The following PTPRA variants were observed in gnomAD, a reference collection of about 807,000 sequenced individuals.
PTPRA encodes the protein receptor-type tyrosine-protein phosphatase alpha.
PTPRA carries 25 observed loss-of-function variants against 104.8 expected under a neutral mutation model. That is an observed-to-expected ratio of 0.24 (90% CI 0.17 to 0.33). PTPRA has a LOEUF of 0.33. Ranked by LOEUF, PTPRA falls within the 10% of genes least tolerant of loss-of-function variation. PTPRA has a pLI of 1.00. For synonymous variants in PTPRA, 323 were observed against 368.9 expected (o/e 0.88, Z 1.43); for missense variants, 765 against 1,015.3 (o/e 0.75, Z 3.35).
intron 1 of PTPRA, among the ~76,000 whole-genome samples, chr20:2,918,190 C>T (rs1600110298): frequency 6.6e-6 from 1 of 151,222 alleles, no homozygotes; most frequent in Non-Finnish European, 1.5e-5. Flanking sequence ...TACGTATTCT[C>T]TTTTCCTTCT....
intron 9 of PTPRA, among the ~76,000 whole-genome samples, chr20:3,003,646 C>T (rs2063731167): frequency 6.6e-6 from 1 of 151,836 alleles, no homozygotes; most frequent in African/African-American, 2.4e-5. Flanking sequence ...GTGTTCCTCC[C>T]ACCTCAGCCT....
chr20:3,003,562 A>C (rs887277908), intron 9 of PTPRA, among the ~76,000 whole-genome samples: 1 of 152,058 alleles, frequency 6.6e-6, no homozygotes, highest in South Asian at 2.1e-4. Context: ...TTGTTTTTAT[A>C]GTGTCAGAGT....
chr20:2,939,952 C>CA (rs1469995899), intron 2 of PTPRA, among the ~76,000 whole-genome samples: 1 of 151,872 alleles, frequency 6.6e-6, no homozygotes, highest in East Asian at 1.9e-4. Flanking sequence ...ACTAAAAATA[C>CA]AAAAAAAATT....
Position 3,037,787 on chromosome 20 carries a change from G to T in PTPRA, c.2335-272G>T, listed in dbSNP as rs1241463221. Among the ~76,000 whole-genome samples, 1 of 152,222 alleles carries T rather than the reference G, an allele frequency of 6.6e-6. No homozygotes were observed. Among genetic ancestry groups the T allele is most frequent in the East Asian group, 1.9e-4 (1 of 5,206 alleles). On this transcript the variant is annotated intron_variant, in intron 23 of 23. Coordinates refer to ENST00000399903, the MANE Select transcript of PTPRA (RefSeq NM_001385305.1). The surrounding 1 kb of genome is among the most constrained non-coding windows in gnomAD (Gnocchi z 4.3). ...TGGTAAGCGTGGGCCATGCTCAGCT[G>T]CACTGTCTCCCAGCCCAGCACATGC...
intron 5 of PTPRA, among the ~76,000 whole-genome samples, chr20:2,974,147 G>A (rs1438129508): frequency 6.6e-6 from 1 of 151,312 alleles, no homozygotes; most frequent in East Asian, 2.0e-4. Context: ...TTAGAGACAG[G>A]GTTTCACTGT....
Position 3,025,358 on chromosome 20 carries a change from C to T in PTPRA, c.1614+737C>T, listed in dbSNP as rs1042203621. Among the ~76,000 whole-genome samples the T allele has an allele frequency of 2.0e-5, 3 of 149,826 alleles. No individual in the cohort carries two copies. The East Asian group carries it at 5.9e-4, about 30-fold the overall frequency. On this transcript the variant is annotated intron_variant, in intron 17 of 23. Transcript: ENST00000399903. Reference sequence around the variant, plus strand: ...GTCCCAGCTACTCAGGAGGCTGAGGCGAGAGAATTGCTTGAACCCGGAAGG... The same window carrying T: ...GTCCCAGCTACTCAGGAGGCTGAGGTGAGAGAATTGCTTGAACCCGGAAGG...
intron 9 of PTPRA, among the ~76,000 whole-genome samples, chr20:2,998,105 GGAGCTACAGT>G (rs948389783): frequency 1.0e-3 from 154 of 150,652 alleles, no homozygotes; most frequent in African/African-American, 3.7e-3. Context: ...TAGAGCTGCA[GGAGCTACAGT>G]GAGCTACAGT....
At chr20:2,943,442 T>C (rs1410048543) in intron 2 of PTPRA, among the ~76,000 whole-genome samples, 2 of 152,134 alleles carry the variant, frequency 1.3e-5, no homozygotes, top group Non-Finnish European at 1.5e-5. Context: ...TTTTGTGCTA[T>C]TCAGACCTTC....
intron 1 of PTPRA, among the ~76,000 whole-genome samples, chr20:2,888,666 A>G (rs1325251441): frequency 6.6e-6 from 1 of 152,152 alleles, no homozygotes; most frequent in Non-Finnish European, 1.5e-5. Flanking sequence ...TAATAGTTCT[A>G]AAAGTATATA....
intron 3 of PTPRA, among the ~76,000 whole-genome samples, chr20:2,959,740 C>G (rs1451830548): frequency 6.6e-6 from 1 of 152,094 alleles, no homozygotes; most frequent in Non-Finnish European, 1.5e-5. Context: ...ATCACAAGGT[C>G]AGGAGTTTAA....
chr20:2,874,945 A>G (rs2146733350), intron 1 of PTPRA, among the ~76,000 whole-genome samples: 2 of 151,854 alleles, frequency 1.3e-5, no homozygotes, highest in South Asian at 4.2e-4. Context: ...GTTTTATGTG[A>G]TCCTCTTTCT....
intron 2 of PTPRA, among the ~76,000 whole-genome samples, chr20:2,931,441 AG>A (rs2060499269): frequency 9.5e-6 from 1 of 104,930 alleles, no homozygotes. Flanking sequence ...GTAAGGTGAT[AG>A]ACAGTCAGCA....
At chr20:2,878,319 C>T (rs1260633221) in intron 1 of PTPRA, among the ~76,000 whole-genome samples, 1 of 152,134 alleles carries the variant, frequency 6.6e-6, no homozygotes, top group Non-Finnish European at 1.5e-5. Flanking sequence ...GCTAAATGAT[C>T]TTCCCATCTC....
intron 17 of PTPRA, 89 bp from the exon 18 acceptor site, chr20:3,026,598 G>T (rs1034946618): frequency 5.2e-6 from 5 of 966,058 alleles, no homozygotes; most frequent in African/African-American, 4.9e-5. Flanking sequence ...AGCCAGAGTG[G>T]CCTGGAGGTG....
At position 2,876,713 on chromosome 20, in the gene PTPRA, A is replaced by G. The variant is rs370940833; in HGVS notation, c.-129+2953A>G. 2.5e-3 allele frequency among the ~76,000 whole-genome samples: 378 copies of G among 152,342 alleles called. 4 individuals are homozygous for G. Among genetic ancestry groups the G allele is most frequent in the African/African-American group, 8.4e-3 (350 of 41,580 alleles). On this transcript the variant is annotated intron_variant, in intron 1 of 23. Transcript: ENST00000399903. Reference sequence around the variant, plus strand: ...TTTTAGAAGTAGAATTACTGGGTCAAGGGATATGTCTGCATTTTTGATTTG... The same window carrying G: ...TTTTAGAAGTAGAATTACTGGGTCAGGGGATATGTCTGCATTTTTGATTTG...
chr20:2,935,345 A>G (rs1264088398), intron 2 of PTPRA, among the ~76,000 whole-genome samples: 2 of 152,212 alleles, frequency 1.3e-5, no homozygotes. Flanking sequence ...AAGGCTGAAT[A>G]GTGTTCCATT....
Position 3,022,795 on chromosome 20 carries a change from G to A in PTPRA, c.1435G>A (p.Ala479Thr). 6.2e-7 allele frequency: 1 copy of A among 1,614,190 alleles called. No homozygotes were observed. The highest frequency in any genetic ancestry group is 8.5e-7 in the Non-Finnish European group (1 of 1,180,026). ...DVYGFVSRIR[A>T]QRCQMVQTDM... ...GTATGGCTTTGTGAGCCGGATCCGG[G>A]CACAGCGCTGCCAGATGGTGCAAAC... Residue 479 changes from alanine (A) to threonine (T), a missense_variant, in exon 16 of 24, where the codon GCA becomes ACA. By Grantham distance (58) the Ala-to-Thr change is moderately conservative. Transcript: ENST00000399903. This position sits in a 1 kb window ranked among gnomAD's most constrained non-coding sequence, Gnocchi z 4.6.
At chr20:2,949,363 C>T (rs954815809) in intron 3 of PTPRA, among the ~76,000 whole-genome samples, 19 of 150,784 alleles carry the variant, frequency 1.3e-4, no homozygotes, top group Admixed American at 6.6e-5. Flanking sequence ...TGTCACCATG[C>T]CTGGCCTAAA....
In PTPRA at chr20:2,906,742, A is replaced by G. The variant is rs370642887; in HGVS notation, c.-128-16465A>G. On this transcript the variant is annotated intron_variant, in intron 1 of 23. Transcript: ENST00000399903. ...AGGTTTTATATATTTCATCTTTGAC[A>G]TGTCTTCACACATACATGTCAAATA... 7.9e-5 allele frequency among the ~76,000 whole-genome samples: 12 copies of G among 152,306 alleles called. No homozygotes were observed. The East Asian group carries it at 1.5e-3, about 20-fold the overall frequency.
Sources: allele counts gnomAD v4.1 joint callset (sites outside exome capture counted in the v4.1 genomes callset), GRCh38; gene constraint gnomAD v4.1.1; non-coding constraint Gnocchi (gnomAD v3.1); transcripts MANE v1.5; gene names NCBI Gene and HGNC (gene_info 2026-07-23, HGNC 2026-07-21).